Variants in KCNB2 observed in about 807,000 individuals in gnomAD.
The protein encoded by KCNB2 is delayed rectifier potassium channel protein.
KCNB2 carries 15 observed loss-of-function variants against 61.5 expected under a neutral mutation model. That is an observed-to-expected ratio of 0.24 (90% CI 0.16 to 0.38). The LOEUF (loss-of-function observed/expected upper bound fraction) is 0.38, where lower values mean the gene tolerates loss of function less well. KCNB2 is among the 10% of genes least tolerant of loss of function. The pLI is 1.00. For synonymous variants in KCNB2, 457 were observed against 446.0 expected, an observed-to-expected ratio of 1.02 and a Z score of -0.31; for missense variants, 828 against 1,125.2, an observed-to-expected ratio of 0.74 and a Z score of 3.78.
At chr8:72,714,241 A>T (rs1241897636) in intron 2 of KCNB2, among the ~76,000 whole-genome samples, 1 of 152,240 alleles carries the variant, frequency 6.6e-6, no homozygotes, top group Non-Finnish European at 1.5e-5. Flanking sequence ...ACTCTGCAGG[A>T]TATTATCCAG....
chr8:72,687,060 GA>G (rs1164552232), intron 2 of KCNB2, among the ~76,000 whole-genome samples: 5 of 152,102 alleles, frequency 3.3e-5, no homozygotes, highest in Admixed American at 2.6e-4. Context: ...ATGCTACTGA[GA>G]ATAATAAAAA....
chr8:72,882,404 C>T (rs533167452), intron 2 of KCNB2, among the ~76,000 whole-genome samples: 45 of 152,228 alleles, frequency 3.0e-4, no homozygotes, highest in Non-Finnish European at 5.1e-4. Context: ...GGTCACAGTT[C>T]ATCACGCGGT....
At chr8:72,776,813 T>C (rs1012844313) in intron 2 of KCNB2, among the ~76,000 whole-genome samples, 5 of 152,150 alleles carry the variant, frequency 3.3e-5, no homozygotes, top group Admixed American at 6.5e-5. Context: ...CAAAGGTCTT[T>C]AGGGAGAGAG....
chr8:72,719,840 A>G (rs1046867619), intron 2 of KCNB2, among the ~76,000 whole-genome samples: 1 of 152,212 alleles, frequency 6.6e-6, no homozygotes, highest in African/African-American at 2.4e-5. Flanking sequence ...AGCCAAAAAG[A>G]CAAAAGGAAA....
At chr8:72,841,946 G>A (rs960336674) in intron 2 of KCNB2, among the ~76,000 whole-genome samples, 5 of 152,110 alleles carry the variant, frequency 3.3e-5, no homozygotes, top group Admixed American at 1.3e-4. Flanking sequence ...GATTGCCCTG[G>A]CCAGAACTTC....
chr8:72,937,357 G>A lies in KCNB2; in HGVS notation c.2002G>A (p.Glu668Lys). The A allele has an allele frequency of 1.2e-6, 2 of 1,614,034 alleles. No individual in the cohort carries two copies. The highest frequency in any genetic ancestry group is 1.3e-5 in the African/African-American group (1 of 75,022). Residue 668 changes from glutamate to lysine, a missense_variant, in exon 3 of 3, where the codon GAG becomes AAG. This residue lies in a region of KCNB2 where 559 missense variants were observed against 588.4 expected (regional missense o/e 0.95). Transcript: ENST00000523207. ...KGPAARDGTL[E>K]YAPVDITVNL... ...ACCTGCTGCCAGGGATGGCACGCTG[G>A]AGTATGCCCCAGTTGACATAACTGT...
At chr8:72,762,766 C>T (rs954229550) in intron 2 of KCNB2, among the ~76,000 whole-genome samples, 10 of 151,586 alleles carry the variant, frequency 6.6e-5, no homozygotes, top group Admixed American at 6.6e-5. Context: ...TTCCAAGAAG[C>T]CTAAAGCTCA....
chr8:72,652,527 T>G (rs1329308624), intron 2 of KCNB2, among the ~76,000 whole-genome samples: 1 of 152,116 alleles, frequency 6.6e-6, no homozygotes, highest in African/African-American at 2.4e-5. Context: ...GGCTTCAATT[T>G]ATGCTCAAAT....
chr8:72,677,780 A>G (rs1036176552), intron 2 of KCNB2, among the ~76,000 whole-genome samples: 3 of 152,090 alleles, frequency 2.0e-5, no homozygotes, highest in African/African-American at 4.8e-5. Flanking sequence ...TTATATCTCA[A>G]TGAAGCTTTT....
intron 2 of KCNB2, among the ~76,000 whole-genome samples, chr8:72,900,405 C>T (rs1390694355): frequency 6.6e-6 from 1 of 151,984 alleles, no homozygotes; most frequent in Non-Finnish European, 1.5e-5. Flanking sequence ...AAGAGAAAAC[C>T]CAGGAAATAC....
intron 2 of KCNB2, among the ~76,000 whole-genome samples, chr8:72,743,349 A>C (rs1183028469): frequency 6.6e-6 from 1 of 152,226 alleles, no homozygotes; most frequent in South Asian, 2.1e-4. Flanking sequence ...GAGAAAACAC[A>C]TGACTACTTG....
chr8:72,918,510 A>C lies in KCNB2; in HGVS notation c.580-17425A>C, dbSNP rs142593819. ...GTTGGATTGCATTTGCATAAATAAAAATTTGATGAAAATAACACATATTCA... is the reference window on the plus strand; with the variant it reads ...GTTGGATTGCATTTGCATAAATAAACATTTGATGAAAATAACACATATTCA... On this transcript the variant is annotated intron_variant, in intron 2 of 2. Coordinates refer to ENST00000523207, the MANE Select transcript of KCNB2 (RefSeq NM_004770.3). Among the ~76,000 whole-genome samples the C allele has an allele frequency of 2.3e-3, 353 of 152,352 alleles. 1 individual carries two copies. Among genetic ancestry groups the C allele is most frequent in the Non-Finnish European group, 3.7e-3 (252 of 68,020 alleles).
chr8:72,612,000 G>T (rs2128983455), intron 2 of KCNB2, among the ~76,000 whole-genome samples: 1 of 152,216 alleles, frequency 6.6e-6, no homozygotes, highest in Admixed American at 6.5e-5. Flanking sequence ...AATAGAAAAA[G>T]TAATGCCAGC....
At chr8:72,799,056 T>C (rs552082547) in intron 2 of KCNB2, among the ~76,000 whole-genome samples, 2 of 152,132 alleles carry the variant, frequency 1.3e-5, no homozygotes, top group Non-Finnish European at 2.9e-5. Context: ...CTCTTAGTTA[T>C]AGGCTTTAGT....
At chr8:72,827,780 G>C (rs1809619567) in intron 2 of KCNB2, among the ~76,000 whole-genome samples, 1 of 151,638 alleles carries the variant, frequency 6.6e-6, no homozygotes, top group East Asian at 1.9e-4. Context: ...TGAAATATAT[G>C]AGAGGAGAAC....
chr8:72,793,603 C>G (rs146167720), intron 2 of KCNB2, among the ~76,000 whole-genome samples: 28 of 152,204 alleles, frequency 1.8e-4, no homozygotes, highest in Middle Eastern at 3.4e-3. Flanking sequence ...AATACCAAAG[C>G]CTAGGCCCAC....
chr8:72,718,581 G>T (rs1489653170), intron 2 of KCNB2, among the ~76,000 whole-genome samples: 2 of 148,812 alleles, frequency 1.3e-5, no homozygotes, highest in African/African-American at 2.5e-5. Flanking sequence ...ACCAAACACC[G>T]CATGTTCTCA....
At chr8:72,875,482 T>C (rs896207289) in intron 2 of KCNB2, among the ~76,000 whole-genome samples, 1 of 152,138 alleles carries the variant, frequency 6.6e-6, no homozygotes, top group African/African-American at 2.4e-5. Context: ...AATGATCAGA[T>C]GTATGATCAT....
At chr8:72,695,264 GA>G (rs1340876779) in intron 2 of KCNB2, among the ~76,000 whole-genome samples, 1 of 152,128 alleles carries the variant, frequency 6.6e-6, no homozygotes, top group Non-Finnish European at 1.5e-5. Context: ...AGGAAATGAA[GA>G]GATAAATATT....
Sources: allele counts gnomAD v4.1 joint callset (sites outside exome capture counted in the v4.1 genomes callset), GRCh38; gene constraint gnomAD v4.1.1; regional missense constraint gnomAD v4.1.1; transcripts MANE v1.5; gene names NCBI Gene and HGNC (gene_info 2026-07-23, HGNC 2026-07-21).